RBMS3: variants seen among roughly 807,000 people sequenced by gnomAD.
RBMS3 encodes RNA-binding motif, single-stranded-interacting protein 3.
In RBMS3, 27 loss-of-function variants were observed where a neutral mutation model predicts 66.8. That is an observed-to-expected ratio of 0.40 (90% CI 0.30 to 0.56). RBMS3 has a LOEUF of 0.56. Ranked by LOEUF, RBMS3 falls within the 20% of genes least tolerant of loss-of-function variation. The pLI is 0.40. For synonymous variants in RBMS3, 188 were observed against 183.0 expected (o/e 1.03, Z -0.22); for missense variants, 513 against 549.5 (o/e 0.93, Z 0.66).
chr3:29,398,300 C>T (rs528469068), intron 1 of RBMS3, among the ~76,000 whole-genome samples: 50 of 152,078 alleles, frequency 3.3e-4, no homozygotes, highest in Non-Finnish European at 5.3e-4. Context: ...CTCTTCAACA[C>T]CAAGACAGTC....
At chr3:29,688,564 ATTTTTTTTTTTTTTTTTTTTTTTTTT>A (rs55943638) in intron 4 of RBMS3, among the ~76,000 whole-genome samples, 1 of 67,118 alleles carries the variant, frequency 1.5e-5, no homozygotes, top group African/African-American at 7.7e-5. Flanking sequence ...AAGTTACAGG[ATTTTTTTTTTTTTTTTTTTTTTTTTT>A]TTTTTTTTTT....
At chr3:29,785,072 G>A (rs1037784584) in intron 6 of RBMS3, among the ~76,000 whole-genome samples, 1 of 152,064 alleles carries the variant, frequency 6.6e-6, no homozygotes, top group African/African-American at 2.4e-5. Flanking sequence ...TGGATTCACA[G>A]CTGAATTTTA....
intron 3 of RBMS3, among the ~76,000 whole-genome samples, chr3:29,580,400 T>C (rs777139259): frequency 2.6e-4 from 39 of 152,296 alleles, no homozygotes; most frequent in African/African-American, 9.1e-4. Flanking sequence ...TTTACCATCA[T>C]GGCACTTACT....
chr3:29,444,788 C>CTTTTCTTTTTTTTTTTTTTTTTTTTTTTT, intron 2 of RBMS3, among the ~76,000 whole-genome samples: 1 of 50,500 alleles, frequency 2.0e-5, no homozygotes, highest in South Asian at 1.4e-3. Context: ...AAATATATGC[C>CTTTTCTTTTTTTTTTTTTTTTTTTTTTTT]TTTTTTTTTT....
intron 1 of RBMS3, among the ~76,000 whole-genome samples, chr3:29,290,263 G>A (rs772909307): frequency 4.9e-4 from 75 of 151,872 alleles, no homozygotes; most frequent in Non-Finnish European, 9.9e-4. Context: ...GTTTTGAGTA[G>A]GTGAAGTATT....
chr3:29,634,965 A>C (rs1342458999), intron 4 of RBMS3, among the ~76,000 whole-genome samples: 1 of 151,938 alleles, frequency 6.6e-6, no homozygotes, highest in African/African-American at 2.4e-5. Flanking sequence ...AGCATTCTGC[A>C]GAAGTACTCT....
intron 5 of RBMS3, among the ~76,000 whole-genome samples, chr3:29,750,515 G>C (rs530456961): frequency 6.6e-6 from 1 of 152,204 alleles, no homozygotes; most frequent in Admixed American, 6.5e-5. Context: ...TGGAATACAT[G>C]TTAATACATG....
At chr3:29,636,943 A>G (rs1193976777) in intron 4 of RBMS3, among the ~76,000 whole-genome samples, 1 of 151,894 alleles carries the variant, frequency 6.6e-6, no homozygotes, top group Non-Finnish European at 1.5e-5. Context: ...GGTCATCTCA[A>G]CTAAGCATCA....
At chr3:29,282,824 A>G (rs1024468903) in intron 1 of RBMS3, among the ~76,000 whole-genome samples, 1 of 152,142 alleles carries the variant, frequency 6.6e-6, no homozygotes, top group Non-Finnish European at 1.5e-5. Context: ...TAGGTAATTC[A>G]TGCTGTAGTT....
chr3:29,525,966 T>G (rs1338286438), intron 3 of RBMS3, among the ~76,000 whole-genome samples: 1 of 152,214 alleles, frequency 6.6e-6, no homozygotes, highest in African/African-American at 2.4e-5. Context: ...CAATGAAATT[T>G]AAGCATGTAG....
intron 4 of RBMS3, among the ~76,000 whole-genome samples, chr3:29,632,243 A>G (rs2049309586): frequency 6.6e-6 from 1 of 151,912 alleles, no homozygotes; most frequent in African/African-American, 2.4e-5. Flanking sequence ...AAAAACCATC[A>G]ATCATTTAAA....
intron 4 of RBMS3, among the ~76,000 whole-genome samples, chr3:29,637,906 G>T (rs1188159131): frequency 6.6e-6 from 1 of 151,858 alleles, no homozygotes; most frequent in Non-Finnish European, 1.5e-5. Flanking sequence ...GAAGCCACTG[G>T]TAGTAGTTAG....
At chr3:29,762,811 C>A in intron 5 of RBMS3, 99 bp from the exon 6 acceptor site, 1 of 844,916 alleles carries the variant, frequency 1.2e-6, no homozygotes. Context: ...GTACAATTCT[C>A]AAATCAAGTA....
chr3:29,832,302 G>T (rs2058389812), intron 6 of RBMS3, among the ~76,000 whole-genome samples: 1 of 152,096 alleles, frequency 6.6e-6, no homozygotes, highest in Non-Finnish European at 1.5e-5. Flanking sequence ...CTGATGTCTA[G>T]GCAATAAATC....
intron 4 of RBMS3, chr3:29,730,821 A>C: frequency 2.1e-6 from 2 of 936,572 alleles, no homozygotes; most frequent in Non-Finnish European, 2.5e-6. Flanking sequence ...GTGATATGGT[A>C]ATATATTAAA....
chr3:29,697,166 A>G (rs1281620318), intron 4 of RBMS3: 7 of 909,618 alleles, frequency 7.7e-6, no homozygotes, highest in Non-Finnish European at 9.2e-6. Flanking sequence ...AAGTTTGGGA[A>G]AATTTTAATG....
chr3:29,699,274 G>A (rs895281116), intron 4 of RBMS3, among the ~76,000 whole-genome samples: 2 of 152,040 alleles, frequency 1.3e-5, no homozygotes, highest in South Asian at 4.1e-4. Context: ...CTCGGTCTCC[G>A]AAGTAGCTGG....
intron 1 of RBMS3, among the ~76,000 whole-genome samples, chr3:29,431,589 C>G (rs910119778): frequency 6.6e-6 from 1 of 151,916 alleles, no homozygotes; most frequent in Non-Finnish European, 1.5e-5. Flanking sequence ...CCGCGCCCAG[C>G]CAAAAAACGT....
intron 6 of RBMS3, among the ~76,000 whole-genome samples, chr3:29,764,084 TA>T (rs1393752697): frequency 4.7e-5 from 7 of 150,026 alleles, no homozygotes; most frequent in Admixed American, 2.7e-4. Flanking sequence ...AAAAGAGAAA[TA>T]TTTTTGTGGA....
Sources: gnomAD v4.1 joint callset for allele counts (sites outside exome capture counted in the v4.1 genomes callset) on GRCh38, gnomAD v4.1.1 for gene constraint, MANE v1.5 for transcripts, NCBI Gene and HGNC (gene_info 2026-07-23, HGNC 2026-07-21) for gene names.